The following KAZN variants were observed in gnomAD, a reference collection of about 807,000 sequenced individuals.
KAZN encodes the protein kazrin, periplakin interacting protein.
In KAZN, 40 loss-of-function variants were observed where a neutral mutation model predicts 87.4. The ratio of observed to expected loss-of-function variants is 0.46; its 90% CI spans 0.36 to 0.60. The LOEUF is 0.60. Ranked by LOEUF, KAZN falls within the 20% of genes least tolerant of loss-of-function variation. KAZN has a pLI of 0.00. For missense variants in KAZN, 898 were observed against 1,073.9 expected (o/e 0.84, Z 2.29); for synonymous variants, 466 against 458.3 (o/e 1.02, Z -0.22).
At chr1:14,882,656 C>T (rs781728732) in intron 1 of KAZN, among the ~76,000 whole-genome samples, 2 of 152,210 alleles carry the variant, frequency 1.3e-5, no homozygotes, top group Non-Finnish European at 2.9e-5. Flanking sequence ...TAAAGCATCA[C>T]TTACAGCTCC....
intron 2 of KAZN, among the ~76,000 whole-genome samples, chr1:14,418,993 A>T (rs1276146041): frequency 1.3e-5 from 2 of 152,230 alleles, no homozygotes; most frequent in Non-Finnish European, 2.9e-5. Flanking sequence ...CTAGCCTGCC[A>T]TTCGGATACA....
intron 2 of KAZN, among the ~76,000 whole-genome samples, chr1:14,238,531 A>C (rs1648626625): frequency 6.6e-6 from 1 of 152,258 alleles, no homozygotes; most frequent in South Asian, 2.1e-4. Context: ...GTCACATACC[A>C]ACATGTTAAC....
intron 1 of KAZN, among the ~76,000 whole-genome samples, chr1:14,030,671 CA>C (rs1389487509): frequency 4.0e-5 from 6 of 150,486 alleles, no homozygotes; most frequent in Admixed American, 1.3e-4. Flanking sequence ...CACACACACA[CA>C]CACACCAATC....
intron 1 of KAZN, among the ~76,000 whole-genome samples, chr1:14,822,158 A>G (rs1011711591): frequency 6.6e-6 from 1 of 152,156 alleles, no homozygotes; most frequent in Admixed American, 6.5e-5. Context: ...GCCCAGGAAA[A>G]CAAAGCTTTC....
At chr1:15,110,186 G>A (rs1641487464) in intron 13 of KAZN, among the ~76,000 whole-genome samples, 1 of 104,480 alleles carries the variant, frequency 9.6e-6, no homozygotes, top group South Asian at 3.1e-4. Flanking sequence ...TATGTGTGTT[G>A]TGTATGTGTG....
intron 2 of KAZN, among the ~76,000 whole-genome samples, chr1:14,571,040 C>T (rs760858455): frequency 6.6e-5 from 10 of 152,262 alleles, no homozygotes; most frequent in Non-Finnish European, 1.3e-4. Context: ...AACGACTTTT[C>T]CATGCCCCGA....
intron 2 of KAZN, among the ~76,000 whole-genome samples, chr1:14,240,855 G>A (rs1387425593): frequency 1.3e-5 from 2 of 152,256 alleles, no homozygotes; most frequent in African/African-American, 4.8e-5. Flanking sequence ...GGGCTTTGCA[G>A]GGGCATGGGA....
At chr1:14,003,788 G>A (rs1639917693) in intron 1 of KAZN, among the ~76,000 whole-genome samples, 1 of 152,100 alleles carries the variant, frequency 6.6e-6, no homozygotes, top group Non-Finnish European at 1.5e-5. Context: ...AAATGTAGGA[G>A]AGCAGATTTA....
intron 8 of KAZN, among the ~76,000 whole-genome samples, chr1:15,080,437 C>T (rs929509677): frequency 1.3e-5 from 2 of 152,058 alleles, no homozygotes; most frequent in Non-Finnish European, 2.9e-5. Flanking sequence ...TCGCTGCCCA[C>T]CAAGGGTCCT....
At chr1:14,954,145 C>G (rs1030739073) in intron 1 of KAZN, among the ~76,000 whole-genome samples, 1 of 152,212 alleles carries the variant, frequency 6.6e-6, no homozygotes, top group Admixed American at 6.5e-5. Context: ...CATTATCCCC[C>G]CTGAGGGCAG....
intron 1 of KAZN, among the ~76,000 whole-genome samples, chr1:14,022,456 G>A (rs1419772333): frequency 8.9e-6 from 1 of 112,030 alleles, no homozygotes; most frequent in African/African-American, 3.3e-5. Flanking sequence ...AAAAGACCAC[G>A]GTGCATTATA....
chr1:14,922,226 A>G (rs904815937), intron 1 of KAZN, among the ~76,000 whole-genome samples: 3 of 152,192 alleles, frequency 2.0e-5, no homozygotes, highest in Admixed American at 2.0e-4. Flanking sequence ...TGCTCAACCC[A>G]GCTCACTCAT....
intron 1 of KAZN, among the ~76,000 whole-genome samples, chr1:14,001,533 C>T (rs1250270961): frequency 1.3e-5 from 2 of 152,012 alleles, no homozygotes; most frequent in Admixed American, 6.6e-5. Flanking sequence ...CAAAGAAGAC[C>T]CCATATAGCC....
intron 2 of KAZN, among the ~76,000 whole-genome samples, chr1:14,563,979 C>T (rs942869419): frequency 4.6e-5 from 7 of 150,718 alleles, no homozygotes; most frequent in Non-Finnish European, 8.8e-5. Context: ...AAGTGATTCT[C>T]CCATCTCAGC....
intron 1 of KAZN, among the ~76,000 whole-genome samples, chr1:14,737,641 C>T (rs941518465): frequency 6.6e-5 from 10 of 152,202 alleles, no homozygotes; most frequent in East Asian, 1.9e-4. Flanking sequence ...CAGGGACTCA[C>T]GGGGCAGAAA....
intron 1 of KAZN, among the ~76,000 whole-genome samples, chr1:13,934,891 G>T (rs377620219): frequency 3.3e-5 from 5 of 152,136 alleles, no homozygotes; most frequent in African/African-American, 9.7e-5. Context: ...CCCAGTGCAG[G>T]TTCAATGAGA....
chr1:14,640,236 TG>T (rs1306709567), intron 1 of KAZN, among the ~76,000 whole-genome samples: 1 of 152,184 alleles, frequency 6.6e-6, no homozygotes, highest in Non-Finnish European at 1.5e-5. Context: ...CTGCCTAATT[TG>T]TGTGTGCCAG....
At position 14,903,116 on chromosome 1, in the gene KAZN, G is replaced by A. The variant is rs563590003; in HGVS notation, c.227-57568G>A. On this transcript the variant is annotated intron_variant, in intron 1 of 14. Coordinates refer to ENST00000376030, the MANE Select transcript of KAZN (RefSeq NM_201628.3). The stretch of plus-strand genomic sequence containing the variant: ...ACTCCTGACCTCAAGTGATCCACCC[G>A]CCTCCACCTCCCACAGTGCTGGGAT... Among the ~76,000 whole-genome samples the A allele has an allele frequency of 1.6e-3, 242 of 152,028 alleles. 3 individuals carry two copies. The highest frequency in any genetic ancestry group is 0.014 in the Middle Eastern group (4 of 294).
In KAZN at chr1:15,066,706, G is replaced by A. The variant is rs1639252045; in HGVS notation, c.1222+953G>A. 1 of 985,274 alleles carries A rather than the reference G, an allele frequency of 1.0e-6. No individual in the cohort carries two copies. Among genetic ancestry groups the A allele is most frequent in the Non-Finnish European group, 1.2e-6 (1 of 829,932 alleles). The allele number at this position is 985,274 out of a possible 1,614,324, so 61.0% of individuals were successfully genotyped here. A position where few individuals can be genotyped will look rare whatever the true frequency, so the allele number is the denominator to read the frequency against. On this transcript the variant is annotated intron_variant, in intron 8 of 14. Coordinates refer to ENST00000376030, the MANE Select transcript of KAZN (RefSeq NM_201628.3). This position sits in a 1 kb window ranked among gnomAD's most constrained non-coding sequence, Gnocchi z 4.3. ...GGTGGGTGTCTCTGTTGACTTGTCT[G>A]TTCTGTTACCATGCTGCTACCCAAC...
Sources: gnomAD v4.1 joint callset for allele counts (sites outside exome capture counted in the v4.1 genomes callset) on GRCh38, gnomAD v4.1.1 for gene constraint, Gnocchi (gnomAD v3.1) non-coding constraint, MANE v1.5 for transcripts, NCBI Gene and HGNC (gene_info 2026-07-23, HGNC 2026-07-21) for gene names.